Variants in BDP1 observed in about 807,000 individuals in gnomAD.
The protein encoded by BDP1 is transcription factor TFIIIB component B'' homolog.
BDP1 carries 169 observed loss-of-function variants against 266.6 expected under a neutral mutation model. The observed-to-expected ratio is 0.63, with a 90% CI of 0.56 to 0.72. The LOEUF (loss-of-function observed/expected upper bound fraction) is 0.72. Ranked by LOEUF, BDP1 falls within the 30% of genes least tolerant of loss-of-function variation. The pLI is 0.00. For missense variants in BDP1, 3,015 were observed against 3,053.8 expected, an observed-to-expected ratio of 0.99 and a Z score of 0.30; for synonymous variants, 1,090 against 1,022.4, an observed-to-expected ratio of 1.07 and a Z score of -1.26.
chr5:71,571,171 G>T (rs1331461254), downstream of BDP1, among the ~76,000 whole-genome samples: 1 of 152,122 alleles, frequency 6.6e-6, no homozygotes, highest in Admixed American at 6.6e-5. Context: ...TTGAGACAAA[G>T]TCTGGCCCTG....
At chr5:71,539,193 C>A in intron 27 of BDP1, 115 bp downstream of exon 27, 1 of 689,316 alleles carries the variant, frequency 1.5e-6, no homozygotes, top group Non-Finnish European at 2.4e-6. Flanking sequence ...AAAGATTCAG[C>A]TATTGAATGT....
rs1338266856 is a variant in BDP1, at chr5:71,501,590, C to T, written c.1985C>T (p.Thr662Ile). 3.1e-6 allele frequency: 5 copies of T among 1,597,082 alleles called. No homozygotes were observed. Among genetic ancestry groups the T allele is most frequent in the African/African-American group, 2.7e-5 (2 of 72,986 alleles). The change falls in exon 14 of 39, where the codon ACA (threonine) becomes ATA (isoleucine). Residue 662 changes from threonine (T) to isoleucine (I), a missense_variant. Physicochemically the swap from Thr to Ile is moderately conservative, Grantham distance 89. This residue lies in a region of BDP1 where 2,383 missense variants were observed against 2,404.9 expected (regional missense o/e 0.99). Coordinates refer to ENST00000358731, the MANE Select transcript of BDP1 (RefSeq NM_018429.3). Reference protein sequence around the residue: ...KNHVEKDKMNTLDILRMETTE... With the variant: ...KNHVEKDKMNILDILRMETTE... ...CACGTGGAAAAAGATAAAATGAATA[C>T]ATTGGACATTTTGAGAATGGAGACT...
chr5:71,546,843 A>T (rs907153246), intron 32 of BDP1, among the ~76,000 whole-genome samples: 1 of 122,654 alleles, frequency 8.2e-6, no homozygotes, highest in Admixed American at 7.6e-5. Context: ...AATCATGTCC[A>T]TTATAGCTTT....
rs770667863 is a variant in BDP1 at position 71,470,438 on chromosome 5, C to T, written c.963C>T (p.Asp321=). The T allele has an allele frequency of 1.6e-5, 25 of 1,612,464 alleles. No individual in the cohort carries two copies. The highest frequency in any genetic ancestry group is 2.0e-5 in the Non-Finnish European group (23 of 1,179,410). ...FFLAISMVGT[D]FSMIGQLFPH... ...TAGCCATCAGCATGGTAGGAACTGA[C>T]TTTTCTATGATCGGACAACTTTTTC... is the stretch of plus-strand genomic sequence containing the variant. Residue 321 remains aspartate (D), a synonymous_variant, in exon 7 of 39, where the codon GAC becomes GAT. Transcript: ENST00000358731.
intron 7 of BDP1, among the ~76,000 whole-genome samples, chr5:71,477,764 A>G (rs1762682039): frequency 6.6e-6 from 1 of 151,796 alleles, no homozygotes; most frequent in African/African-American, 2.4e-5. Context: ...AACTACAGGC[A>G]TGTGTCACTA....
At chr5:71,555,325 A>G (rs559172277) in intron 35 of BDP1, among the ~76,000 whole-genome samples, 25 of 152,268 alleles carry the variant, frequency 1.6e-4, no homozygotes, top group African/African-American at 5.5e-4. Flanking sequence ...TAAGACAGTA[A>G]ATCTTCATAT....
In BDP1 at chr5:71,563,804, T is replaced by G. The variant is rs549284482; in HGVS notation, c.7744-950T>G. On this transcript the variant is annotated intron_variant, in intron 38 of 38. Transcript: ENST00000358731. ...GTGTGTGCCTGTAGTCCCAGCTACT[T>G]GGGAGGCTGAGATAAGAGAATTGCT... is the stretch of plus-strand genomic sequence containing the variant. Among the ~76,000 whole-genome samples, 139 of 152,202 alleles carry G rather than the reference T, an allele frequency of 9.1e-4. 2 individuals are homozygous for G. The highest frequency in any genetic ancestry group is 2.7e-3 in the African/African-American group (114 of 41,534).
At chr5:71,538,842 C>T (rs1454082234) in intron 26 of BDP1, among the ~76,000 whole-genome samples, 200 bp from the exon 27 acceptor site, 1 of 152,066 alleles carries the variant, frequency 6.6e-6, no homozygotes, top group Non-Finnish European at 1.5e-5. Flanking sequence ...AAGTCAGGAG[C>T]AAGAGACACA....
chr5:71,524,463 A>AT, intron 25 of BDP1, 140 bp downstream of exon 25: 7 of 951,164 alleles, frequency 7.4e-6, no homozygotes, highest in Non-Finnish European at 1.1e-5. Context: ...TACCAAATAT[A>AT]ATTTGGGGCC....
intron 6 of BDP1, among the ~76,000 whole-genome samples, chr5:71,468,288 G>C (rs1762022748): frequency 6.6e-6 from 1 of 151,842 alleles, no homozygotes; most frequent in South Asian, 2.1e-4. Context: ...CAAAGTGCTG[G>C]GATTACAGGC....
At chr5:71,572,781 GAA>G (rs1189908830), downstream of BDP1, among the ~76,000 whole-genome samples, 1 of 152,094 alleles carries the variant, frequency 6.6e-6, no homozygotes, top group South Asian at 2.1e-4. Context: ...ACAGCCTCAT[GAA>G]AAAAGGTCTT....
chr5:71,504,512 A>C, intron 15 of BDP1, 109 bp from the exon 16 acceptor site: 1 of 969,918 alleles, frequency 1.0e-6, no homozygotes, highest in Non-Finnish European at 1.5e-6. Flanking sequence ...TCTCCATTTT[A>C]TAATGTTGAA....
Position 71,525,190 on chromosome 5 carries a change from C to T in BDP1, c.5772+867C>T, listed in dbSNP as rs556747352. ...GGGTGGTGGCCGGGCAGAGGGGCTA[C>T]TCACTTCCCAGCAGGGGCGGCCGGG... is the stretch of plus-strand genomic sequence containing the variant. On this transcript the variant is annotated intron_variant, in intron 25 of 38. Coordinates refer to ENST00000358731, the MANE Select transcript of BDP1 (RefSeq NM_018429.3). 4.1e-4 allele frequency among the ~76,000 whole-genome samples: 63 copies of T among 152,144 alleles called. No homozygotes were observed. In the South Asian group the frequency reaches 4.8e-3, roughly 12 times the overall value.
Position 71,498,478 on chromosome 5 carries a change from C to T in BDP1, c.1956+1052C>T, listed in dbSNP as rs534361667. Among the ~76,000 whole-genome samples the T allele has an allele frequency of 3.3e-5, 5 of 151,794 alleles. No individual in the cohort carries two copies. In the East Asian group the frequency reaches 9.7e-4, roughly 30 times the overall value. On this transcript the variant is annotated intron_variant, in intron 13 of 38. Coordinates refer to ENST00000358731, the MANE Select transcript of BDP1 (RefSeq NM_018429.3). ...TTGCTCTGTTGCCCAGGCTGGAGTG[C>T]AGTGGCACGATCTTGGCTCACTGCA...
chr5:71,570,144 C>T (rs1389196915), downstream of BDP1, among the ~76,000 whole-genome samples: 1 of 152,240 alleles, frequency 6.6e-6, no homozygotes, highest in African/African-American at 2.4e-5. Context: ...AAGAATCCAT[C>T]TTTCACGCAA....
chr5:71,509,909 A>C lies in BDP1; in HGVS notation c.2817A>C (p.Pro939=), dbSNP rs565060257. The C allele has an allele frequency of 2.5e-6, 4 of 1,614,046 alleles. No homozygotes were observed. In the South Asian group the frequency reaches 4.4e-5, roughly 18 times the overall value. ...LEEAGRREIS[P]QKNGPEEVKP... ...AAGCTGGAAGAAGAGAAATATCCCC[A>C]CAGAAAAATGGCCCAGAGGAGGTTA... The change falls in exon 17 of 39, where the codon CCA becomes CCC. Residue 939 remains proline, a synonymous_variant. Transcript: ENST00000358731.
chr5:71,558,841 AAAAC>A (rs1300946259), intron 36 of BDP1, among the ~76,000 whole-genome samples: 1 of 150,240 alleles, frequency 6.7e-6, no homozygotes, highest in African/African-American at 2.4e-5. Flanking sequence ...ACAAAAAAAA[AAAAC>A]AACAAAAAAA....
chr5:71,475,044 C>G (rs1027026810), intron 7 of BDP1, among the ~76,000 whole-genome samples: 1 of 152,142 alleles, frequency 6.6e-6, no homozygotes, highest in Non-Finnish European at 1.5e-5. Context: ...CCAGGGAACT[C>G]TTAAATTACA....
intron 7 of BDP1, among the ~76,000 whole-genome samples, chr5:71,480,108 C>T (rs1762852480): frequency 1.3e-5 from 2 of 151,062 alleles, no homozygotes; most frequent in South Asian, 4.2e-4. Context: ...CCATGCCTGG[C>T]TAATTTTTTT....
Sources: gnomAD v4.1 joint callset for allele counts (sites outside exome capture counted in the v4.1 genomes callset) on GRCh38, gnomAD v4.1.1 for gene constraint, gnomAD v4.1.1 regional missense constraint, MANE v1.5 for transcripts, NCBI Gene and HGNC (gene_info 2026-07-23, HGNC 2026-07-21) for gene names.